The following FRMD3 variants were observed in gnomAD, a reference collection of about 807,000 sequenced individuals.
FRMD3 encodes FERM domain-containing protein 3.
Under a neutral mutation model 70.2 loss-of-function variants are expected in FRMD3, and 33 were observed. The ratio of observed to expected loss-of-function variants is 0.47; its 90% CI spans 0.36 to 0.63. The LOEUF (loss-of-function observed/expected upper bound fraction) is 0.63. Ranked by LOEUF, FRMD3 falls within the 20% of genes least tolerant of loss-of-function variation. The pLI is 0.00. For synonymous variants in FRMD3, 279 were observed against 255.9 expected, an observed-to-expected ratio of 1.09 and a Z score of -0.86; for missense variants, 632 against 711.4, an observed-to-expected ratio of 0.89 and a Z score of 1.27.
intron 1 of FRMD3, among the ~76,000 whole-genome samples, chr9:83,415,648 G>A (rs1826417653): frequency 7.4e-6 from 1 of 134,354 alleles, no homozygotes; most frequent in African/African-American, 2.8e-5. Flanking sequence ...TTTTACTAGA[G>A]ACAGAGTTTC....
chr9:83,325,353 G>T (rs1344437432), intron 6 of FRMD3, among the ~76,000 whole-genome samples: 1 of 151,980 alleles, frequency 6.6e-6, no homozygotes, highest in Admixed American at 6.5e-5. Context: ...TTGAGGCAGG[G>T]TCTCACTCTA....
chr9:83,557,144 T>C, the FRMD3 span, among the ~76,000 whole-genome samples: 1 of 152,166 alleles, frequency 6.6e-6, no homozygotes, highest in South Asian at 2.1e-4. Flanking sequence ...AATTACCAAT[T>C]AGGTAATTTA....
At chr9:83,548,105 C>T in the FRMD3 span, among the ~76,000 whole-genome samples, 1 of 152,208 alleles carries the variant, frequency 6.6e-6, no homozygotes, top group Non-Finnish European at 1.5e-5. Flanking sequence ...CAGAGGAATT[C>T]TCATTGATCA....
chr9:83,299,620 A>G (rs1834823863), intron 10 of FRMD3, among the ~76,000 whole-genome samples: 1 of 152,250 alleles, frequency 6.6e-6, no homozygotes, highest in African/African-American at 2.4e-5. Flanking sequence ...ACAGTGAGGC[A>G]GAAAACAGCT....
At chr9:83,554,093 C>G in the FRMD3 span, among the ~76,000 whole-genome samples, 1 of 152,102 alleles carries the variant, frequency 6.6e-6, no homozygotes, top group Non-Finnish European at 1.5e-5. Context: ...AAGCTGACTT[C>G]TTATCTCTAG....
At chr9:83,334,738 G>A (rs1587737298) in intron 6 of FRMD3, among the ~76,000 whole-genome samples, 1 of 152,054 alleles carries the variant, frequency 6.6e-6, no homozygotes, top group Non-Finnish European at 1.5e-5. Context: ...TTGATTCCCA[G>A]CAGCCCATGT....
intron 1 of FRMD3, among the ~76,000 whole-genome samples, chr9:83,436,458 ATG>A (rs148417744): frequency 0.13 from 18,671 of 144,388 alleles, 1,269 homozygotes; most frequent in Non-Finnish European, 0.16. Context: ...AATTAATAAG[ATG>A]TGTGTGTGTG....
intron 1 of FRMD3, among the ~76,000 whole-genome samples, chr9:83,402,062 A>AT (rs1286948221): frequency 6.6e-6 from 1 of 151,894 alleles, no homozygotes; most frequent in African/African-American, 2.4e-5. Context: ...TATTATGTGC[A>AT]TTTTAAGGCA....
In FRMD3 at chr9:83,512,932, T is replaced by C. The variant is rs141049366; in HGVS notation, c.147+25153A>G. Among the ~76,000 whole-genome samples, 338 of 152,240 alleles carry C rather than the reference T, an allele frequency of 2.2e-3. 1 individual carries two copies. Among genetic ancestry groups the C allele is most frequent in the Non-Finnish European group, 3.6e-3 (245 of 68,010 alleles). On this transcript the variant is annotated intron_variant, in intron 1 of 13. Transcript: ENST00000304195. ...AGGGGAGCACACAGATGATTCTTCA[T>C]GGATCCCAGTCACACTGTGAAGCAG... is the stretch of plus-strand genomic sequence containing the variant.
chr9:83,313,125 C>A (rs559038167), intron 7 of FRMD3, among the ~76,000 whole-genome samples: 1 of 152,254 alleles, frequency 6.6e-6, no homozygotes, highest in East Asian at 1.9e-4. Context: ...AAGGCAGATT[C>A]CCCAGTTGTA....
Position 83,432,625 on chromosome 9 carries a change from G to A in FRMD3, c.148-42917C>T, listed in dbSNP as rs118072334. Among the ~76,000 whole-genome samples the A allele has an allele frequency of 8.9e-4, 135 of 152,256 alleles. 1 individual carries two copies. The East Asian group carries it at 0.018, about 20-fold the overall frequency. ...CAGCAGGTTAAACTTATAAAACAAA[G>A]GTCATAGATCACTCATCCAATGCCT... is the stretch of plus-strand genomic sequence containing the variant. On this transcript the variant is annotated intron_variant, in intron 1 of 13. Coordinates refer to ENST00000304195, the MANE Select transcript of FRMD3 (RefSeq NM_174938.6).
At chr9:83,342,404 G>A (rs1458375878) in intron 5 of FRMD3, among the ~76,000 whole-genome samples, 1 of 152,196 alleles carries the variant, frequency 6.6e-6, no homozygotes, top group African/African-American at 2.4e-5. Flanking sequence ...GCCTGGTGCA[G>A]AGTGGTCTCT....
At chr9:83,582,090 A>G in the FRMD3 span, among the ~76,000 whole-genome samples, 2 of 151,764 alleles carry the variant, frequency 1.3e-5, no homozygotes, top group Non-Finnish European at 2.9e-5. Flanking sequence ...TTTTTTCTTT[A>G]GAGACAGGAT....
chr9:83,533,386 T>C (rs781167225), intron 1 of FRMD3, among the ~76,000 whole-genome samples: 1 of 152,246 alleles, frequency 6.6e-6, no homozygotes, highest in Non-Finnish European at 1.5e-5. Context: ...TTCATTCACA[T>C]GTAATTTATC....
the FRMD3 span, among the ~76,000 whole-genome samples, chr9:83,561,228 G>C: frequency 6.6e-6 from 1 of 152,216 alleles, no homozygotes; most frequent in Admixed American, 6.5e-5. Context: ...AAAGACAGAA[G>C]CACTGTGAGC....
chr9:83,410,812 G>C (rs1348624450), intron 1 of FRMD3, among the ~76,000 whole-genome samples: 2 of 152,186 alleles, frequency 1.3e-5, no homozygotes, highest in African/African-American at 2.4e-5. Context: ...ACCAGCATCT[G>C]TTGTTTTTGA....
chr9:83,339,197 C>T (rs371536019), intron 5 of FRMD3, among the ~76,000 whole-genome samples: 1 of 152,192 alleles, frequency 6.6e-6, no homozygotes, highest in Non-Finnish European at 1.5e-5. Context: ...GTGAAGACTG[C>T]ACCGGATTGC....
At chr9:83,479,007 T>C (rs1011775068) in intron 1 of FRMD3, among the ~76,000 whole-genome samples, 2 of 151,840 alleles carry the variant, frequency 1.3e-5, no homozygotes, top group African/African-American at 4.8e-5. Context: ...AAATGAATAA[T>C]TGAATAAAAG....
At chr9:83,511,472 A>G (rs1829337685) in intron 1 of FRMD3, among the ~76,000 whole-genome samples, 1 of 152,118 alleles carries the variant, frequency 6.6e-6, no homozygotes, top group Admixed American at 6.5e-5. Flanking sequence ...GGGTAGCCAG[A>G]GTGTTGAAAA....
Sources: allele counts gnomAD v4.1 joint callset (sites outside exome capture counted in the v4.1 genomes callset), GRCh38; gene constraint gnomAD v4.1.1; transcripts MANE v1.5; gene names NCBI Gene and HGNC (gene_info 2026-07-23, HGNC 2026-07-21).